WRN: variants seen among roughly 807,000 people sequenced by gnomAD.
The protein encoded by WRN is WRN RecQ like helicase.
Under a neutral mutation model 180.7 loss-of-function variants are expected in WRN, and 149 were observed. The ratio of observed to expected loss-of-function variants is 0.82; its 90% CI spans 0.72 to 0.94. The LOEUF (loss-of-function observed/expected upper bound fraction) is 0.94. Among genes scored for constraint, WRN ranks in the 40% least tolerant of loss-of-function variants. The pLI, the probability that WRN is intolerant of heterozygous loss-of-function variation, is 0.00. For missense variants in WRN, 1,661 were observed against 1,700.1 expected (o/e 0.98, Z 0.40); for synonymous variants, 548 against 568.9 (o/e 0.96, Z 0.52).
Position 31,173,022 on chromosome 8 carries a change from TTAC to T in WRN, c.4220_4222del (p.Leu1407_Pro1408delinsSer), listed in dbSNP as rs1308065971. On this transcript the variant is annotated inframe_deletion, in exon 35 of 35. Transcript: ENST00000298139. ...TTCATCTGCAGAGAGAAAGAGACGA[TTAC>T]CTGTGTGGTTTGCCAAAGGAAGTGA... The T allele has an allele frequency of 6.2e-7, 1 of 1,613,956 alleles. No homozygotes were observed. Among genetic ancestry groups the T allele is most frequent in the South Asian group, 1.1e-5 (1 of 91,072 alleles).
intron 17 of WRN, 50 bp downstream of exon 17, chr8:31,096,900 A>C: frequency 6.6e-7 from 1 of 1,509,352 alleles, no homozygotes; most frequent in Non-Finnish European, 9.2e-7. Context: ...TTAATATTTA[A>C]AGTTAAACCT....
At chr8:31,149,918 G>T (rs1803049245) in intron 30 of WRN, among the ~76,000 whole-genome samples, 1 of 152,132 alleles carries the variant, frequency 6.6e-6, no homozygotes, top group African/African-American at 2.4e-5. Flanking sequence ...ACTGTTACAG[G>T]TAAACACTTT....
At chr8:31,164,966 A>T (rs1406404726) in intron 33 of WRN, among the ~76,000 whole-genome samples, 1 of 152,126 alleles carries the variant, frequency 6.6e-6, no homozygotes, top group African/African-American at 2.4e-5. Flanking sequence ...TATAAAGGGT[A>T]CTTATAGAAA....
At chr8:31,140,919 C>T (rs1226414673) in intron 24 of WRN, among the ~76,000 whole-genome samples, 2 of 152,006 alleles carry the variant, frequency 1.3e-5, no homozygotes, top group Non-Finnish European at 2.9e-5. Context: ...CAACACCTGG[C>T]TAATTTTTTG....
In WRN at chr8:31,174,326, G is replaced by A. The variant is rs966792208; in HGVS notation, c.*1224G>A. 1.3e-5 allele frequency among the ~76,000 whole-genome samples: 2 copies of A among 152,202 alleles called. No individual in the cohort carries two copies. Among genetic ancestry groups the A allele is most frequent in the Admixed American group, 6.5e-5 (1 of 15,288 alleles). ...GTGGCAAGTACGCACAGACACGTCT[G>A]CTGCATGCCTAGGTACGAGGCTGTC... On this transcript the variant is annotated 3_prime_UTR_variant, in exon 35 of 35. Transcript: ENST00000298139.
chr8:31,048,738 G>A (rs938478159), intron 1 of WRN, among the ~76,000 whole-genome samples: 6 of 152,250 alleles, frequency 3.9e-5, no homozygotes, highest in South Asian at 2.1e-4. Context: ...TAATTGTGTT[G>A]GTGAAGCCCA....
chr8:31,130,066 G>C (rs1802100369), intron 23 of WRN, among the ~76,000 whole-genome samples: 1 of 149,322 alleles, frequency 6.7e-6, no homozygotes, highest in Non-Finnish European at 1.5e-5. Flanking sequence ...GCTCACACCT[G>C]TCATTCTAGC....
In WRN at chr8:31,040,828, T is replaced by TTTC. The variant is rs1234044619; in HGVS notation, c.-77+6864_-77+6866dup. 2.0e-5 allele frequency among the ~76,000 whole-genome samples: 3 copies of TTTC among 152,214 alleles called. No individual in the cohort carries two copies. In the East Asian group the frequency reaches 5.8e-4, roughly 29 times the overall value. On this transcript the variant is annotated intron_variant, in intron 1 of 34. Coordinates refer to ENST00000298139, the MANE Select transcript of WRN (RefSeq NM_000553.6). ...CAGTTAGCCAAAAGTTGAGTTTTTTTTTCTTCTTCTTTTTTTTAGTTGGAA... is the reference window on the plus strand; with the variant it reads ...CAGTTAGCCAAAAGTTGAGTTTTTTTTTCTTCTTCTTCTTTTTTTTAGTTGGAA...
rs767115441 is a variant in WRN at position 31,167,074 on chromosome 8, G to A, written c.4035G>A (p.Thr1345=). 2.7e-5 allele frequency: 43 copies of A among 1,613,020 alleles called. No individual in the cohort carries two copies. The highest frequency in any genetic ancestry group is 3.3e-4 in the Middle Eastern group (2 of 6,082). The part of the protein sequence containing the change: ...IRMLVPENID[T]YLIHMAIEIL... Reference sequence around the variant, plus strand: ...TGTTAGTTCCTGAAAACATTGACACGTACCTTATCCACATGGCAATTGAGA... The same window carrying A: ...TGTTAGTTCCTGAAAACATTGACACATACCTTATCCACATGGCAATTGAGA... Residue 1345 remains threonine (T), a synonymous_variant, in exon 34 of 35, where the codon ACG becomes ACA. Coordinates refer to ENST00000298139, the MANE Select transcript of WRN (RefSeq NM_000553.6).
At chr8:31,119,266 TCTA>T (rs1197346892) in intron 20 of WRN, among the ~76,000 whole-genome samples, 1 of 151,942 alleles carries the variant, frequency 6.6e-6, no homozygotes, top group Non-Finnish European at 1.5e-5. Context: ...TGCAGATAGG[TCTA>T]CTGTTCTTAC....
intron 1 of WRN, among the ~76,000 whole-genome samples, chr8:31,048,863 C>T (rs1811973378): frequency 6.6e-6 from 1 of 152,056 alleles, no homozygotes; most frequent in African/African-American, 2.4e-5. Context: ...CTTATTAATC[C>T]AGTCTTGTAA....
intron 33 of WRN, among the ~76,000 whole-genome samples, chr8:31,166,694 G>A (rs867983896): frequency 6.6e-6 from 1 of 152,068 alleles, no homozygotes; most frequent in African/African-American, 2.4e-5. Flanking sequence ...ATTTGGAATT[G>A]GAAGCACAAT....
intron 21 of WRN, among the ~76,000 whole-genome samples, chr8:31,121,555 G>A (rs1201734044): frequency 6.6e-6 from 1 of 151,828 alleles, no homozygotes; most frequent in Non-Finnish European, 1.5e-5. Context: ...TCAAAATTTT[G>A]TAAAAAAGGA....
At chr8:31,130,024 AC>A (rs1802095353) in intron 23 of WRN, among the ~76,000 whole-genome samples, 3 of 138,554 alleles carry the variant, frequency 2.2e-5, no homozygotes, top group African/African-American at 8.7e-5. Flanking sequence ...ACAAAACAAA[AC>A]AAAAAAAAAA....
At chr8:31,149,075 A>T (rs993335660) in intron 30 of WRN, among the ~76,000 whole-genome samples, 11 of 152,324 alleles carry the variant, frequency 7.2e-5, no homozygotes, top group African/African-American at 2.4e-4. Flanking sequence ...ACACAGTGCT[A>T]CATCTGACAC....
chr8:31,174,791 C>CT lies in WRN; in HGVS notation c.*1691dup, dbSNP rs879528188. ...TTCTCTCTTTCCTTCCTTCCCTTCCCTTCCCCTTCCTTCCTTCCTTCCTTC... is the reference window on the plus strand; with the variant it reads ...TTCTCTCTTTCCTTCCTTCCCTTCCCTTTCCCCTTCCTTCCTTCCTTCCTTC... On this transcript the variant is annotated 3_prime_UTR_variant, in exon 35 of 35. Coordinates refer to ENST00000298139, the MANE Select transcript of WRN (RefSeq NM_000553.6). Among the ~76,000 whole-genome samples, 33,043 of 107,064 alleles carry CT rather than the reference C, an allele frequency of 0.31. 8,606 individuals are homozygous for CT. The highest frequency in any genetic ancestry group is 0.38 in the Non-Finnish European group (18,287 of 47,812). The allele number at this position is 107,064 out of a possible 152,430, so 70.2% of individuals were successfully genotyped here.
intron 18 of WRN, among the ~76,000 whole-genome samples, chr8:31,101,629 A>C (rs1800863041): frequency 6.6e-6 from 1 of 151,840 alleles, no homozygotes; most frequent in African/African-American, 2.4e-5. Flanking sequence ...TCTACTAAAA[A>C]TACAACAATT....
Position 31,141,450 on chromosome 8 carries a change from T to C in WRN, c.2988T>C (p.Asp996=). The change falls in exon 25 of 35, where the codon GAT becomes GAC. Residue 996 remains aspartate, a synonymous_variant. Transcript: ENST00000298139. ...LRGSNSQRLA[D]QYRRHSLFGT... ...TTCAGAATTCTCAGCGTCTTGCCGA[T>C]CAATATCGCAGGCACAGTTTATTTG... is the stretch of plus-strand genomic sequence containing the variant. 1 of 1,614,154 alleles carries C rather than the reference T, an allele frequency of 6.2e-7. No individual in the cohort carries two copies. The highest frequency in any genetic ancestry group is 8.5e-7 in the Non-Finnish European group (1 of 1,180,020).
chr8:31,034,017 G>C (rs1351439477), intron 1 of WRN, 44 bp downstream of exon 1: 1 of 152,350 alleles, frequency 6.6e-6, no homozygotes, highest in Admixed American at 6.5e-5. Flanking sequence ...CCGTGCCCCG[G>C]GGTATCTATA....
Sources: allele counts gnomAD v4.1 joint callset (sites outside exome capture counted in the v4.1 genomes callset), GRCh38; gene constraint gnomAD v4.1.1; transcripts MANE v1.5; gene names NCBI Gene and HGNC (gene_info 2026-07-23, HGNC 2026-07-21).